TRRAP: variants seen among roughly 807,000 people sequenced by gnomAD.
The protein encoded by TRRAP is transformation/transcription domain-associated protein.
In TRRAP, 41 loss-of-function variants were observed where a neutral mutation model predicts 438.8. That is an observed-to-expected ratio of 0.09 (90% CI 0.07 to 0.12). TRRAP has a LOEUF of 0.12. Ranked by LOEUF, TRRAP falls within the 10% of genes least tolerant of loss-of-function variation. The pLI is 1.00. For synonymous variants in TRRAP, 1,994 were observed against 1,962.9 expected, an observed-to-expected ratio of 1.02 and a Z score of -0.42; for missense variants, 3,122 against 5,055.1, an observed-to-expected ratio of 0.62 and a Z score of 11.60.
intron 3 of TRRAP, among the ~76,000 whole-genome samples, chr7:98,884,556 G>A (rs1554403668): frequency 6.6e-6 from 1 of 152,162 alleles, no homozygotes; most frequent in East Asian, 1.9e-4. Context: ...TCTTAAAGCA[G>A]GTACATTGTG....
At chr7:98,967,451 C>T in intron 50 of TRRAP, 34 bp from the exon 51 acceptor site, 1 of 1,608,226 alleles carries the variant, frequency 6.2e-7, no homozygotes, top group East Asian at 2.2e-5. Context: ...TTGGGGAGTC[C>T]ATCGTCTTGC....
At position 98,915,747 on chromosome 7, in the gene TRRAP, A is replaced by G; in HGVS notation, c.2224A>G (p.Ser742Gly). 1 of 1,613,830 alleles carries G rather than the reference A, an allele frequency of 6.2e-7. No individual in the cohort carries two copies. Among genetic ancestry groups the G allele is most frequent in the Non-Finnish European group, 8.5e-7 (1 of 1,179,832 alleles). The change falls in exon 19 of 73, where the codon AGC (serine) becomes GGC (glycine). Residue 742 changes from serine to glycine, a missense_variant. Ser to Gly is a moderately conservative substitution (Grantham distance 56). Transcript: ENST00000456197. ...GCCTCACTTGCACAAGATTGTGAACAGCTCTATGGAGCTCGCGCAGACTGC... is the reference window on the plus strand; with the variant it reads ...GCCTCACTTGCACAAGATTGTGAACGGCTCTATGGAGCTCGCGCAGACTGC... ...LKPHLHKIVN[S>G]SMELAQTAKE...
chr7:98,896,669 C>T (rs1203968349), intron 7 of TRRAP, among the ~76,000 whole-genome samples: 1 of 152,108 alleles, frequency 6.6e-6, no homozygotes, highest in Non-Finnish European at 1.5e-5. Context: ...CAGGCGTGAG[C>T]CACTGCACCC....
At chr7:98,981,532 G>T (rs528100174) in intron 58 of TRRAP, among the ~76,000 whole-genome samples, 1 of 152,282 alleles carries the variant, frequency 6.6e-6, no homozygotes. Context: ...AGAAGCCTGT[G>T]GTATGCTTTC....
Position 98,967,067 on chromosome 7 carries a change from T to G in TRRAP, c.7203T>G (p.Ile2401Met). The G allele has an allele frequency of 6.2e-7, 1 of 1,613,936 alleles. No homozygotes were observed. The highest frequency in any genetic ancestry group is 8.5e-7 in the Non-Finnish European group (1 of 1,179,930). Residue 2401 changes from isoleucine (I) to methionine (M), a missense_variant, in exon 50 of 73, where the codon ATT becomes ATG. Around this residue, in one of 24 missense-constraint regions of TRRAP, gnomAD observed 992 missense variants for 1,281.2 expected, o/e 0.77. Transcript: ENST00000456197. ...CACCTACACTCCGGGAGAAGTCCAT[T>G]TTGCTTGTGAAGATGATGACTTACA... is the stretch of plus-strand genomic sequence containing the variant. ...NQTPTLREKSILLVKMMTYIE... is the reference protein window; with the variant it reads ...NQTPTLREKSMLLVKMMTYIE...
At chr7:98,980,548 T>C (rs1324195768) in intron 58 of TRRAP, among the ~76,000 whole-genome samples, 1 of 151,852 alleles carries the variant, frequency 6.6e-6, no homozygotes, top group Non-Finnish European at 1.5e-5. Context: ...TCCACCTGGC[T>C]GAGGAGCGGT....
rs1584386347 is a variant in TRRAP, at chr7:98,978,751, G to A, written c.8499-18G>A. On this transcript the variant is annotated intron_variant, in intron 57 of 72. Transcript: ENST00000456197. The stretch of plus-strand genomic sequence containing the variant: ...TGCTGGTGATTGAGCTTTTGCTCTG[G>A]GATCTGTGGTCTTCTAGATGCTCCA... The A allele has an allele frequency of 6.2e-7, 1 of 1,613,886 alleles. No individual in the cohort carries two copies. The highest frequency in any genetic ancestry group is 1.3e-5 in the African/African-American group (1 of 74,942).
At chr7:98,991,364 G>A (rs1793423619) in intron 64 of TRRAP, among the ~76,000 whole-genome samples, 1 of 152,222 alleles carries the variant, frequency 6.6e-6, no homozygotes, top group African/African-American at 2.4e-5. Context: ...CCATTCCTCT[G>A]GCTCCTTCCT....
At position 98,994,685 on chromosome 7, in the gene TRRAP, C is replaced by T. The variant is rs138274731; in HGVS notation, c.10146C>T (p.Leu3382=). 1 of 1,614,218 alleles carries T rather than the reference C, an allele frequency of 6.2e-7. No individual in the cohort carries two copies. Among genetic ancestry groups the T allele is most frequent in the Non-Finnish European group, 8.5e-7 (1 of 1,180,046 alleles). The change falls in exon 67 of 73, where the codon CTC becomes CTT. Residue 3382 remains leucine (L), a synonymous_variant. Transcript: ENST00000456197. The surrounding 1 kb of genome is among the most constrained non-coding windows in gnomAD (Gnocchi z 4.8). ...ATGCTAAAATCACCCCCCACACTCT[C>T]AATTTTGTGAAGAAGTTGGTGAGCA... ...VSDAKITPHT[L]NFVKKLVSTF...
At chr7:98,933,195 C>G (rs377575365) in intron 26 of TRRAP, 46 bp from the exon 27 acceptor site, 23 of 1,551,054 alleles carry the variant, frequency 1.5e-5, no homozygotes, top group Middle Eastern at 1.7e-4. Context: ...GTGTTTGTGT[C>G]TCAAGGGGCA....
intron 11 of TRRAP, among the ~76,000 whole-genome samples, chr7:98,901,301 G>A (rs1796455278): frequency 6.6e-6 from 1 of 152,148 alleles, no homozygotes; most frequent in South Asian, 2.1e-4. Flanking sequence ...CCTCTTACAC[G>A]GCCACCGTCC....
chr7:98,953,257 C>G lies in TRRAP; in HGVS notation c.5554C>G (p.His1852Asp). ...CACGCTGCTGGTGGAGCACGCCCCC[C>G]ACCACATCCATGACAACAACAAGAA... The part of the protein sequence containing the change: ...YATLLVEHAP[H>D]HIHDNNKNRN... Residue 1852 changes from histidine (H) to aspartate (D), a missense_variant, in exon 40 of 73, where the codon CAC becomes GAC. Coordinates refer to ENST00000456197, the MANE Select transcript of TRRAP (RefSeq NM_001375524.1). 6.2e-7 allele frequency: 1 copy of G among 1,613,816 alleles called. No individual in the cohort carries two copies. Among genetic ancestry groups the G allele is most frequent in the Non-Finnish European group, 8.5e-7 (1 of 1,180,006 alleles).
chr7:98,931,180 G>C (rs1006440245), intron 25 of TRRAP, among the ~76,000 whole-genome samples: 1 of 152,236 alleles, frequency 6.6e-6, no homozygotes, highest in Middle Eastern at 3.2e-3. Context: ...GGCATTGCCA[G>C]CTTATCTGGT....
At position 98,945,940 on chromosome 7, in the gene TRRAP, A is replaced by G; in HGVS notation, c.4538A>G (p.Glu1513Gly). 2 of 1,486,802 alleles carry G rather than the reference A, an allele frequency of 1.3e-6. No individual in the cohort carries two copies. The highest frequency in any genetic ancestry group is 1.8e-6 in the Non-Finnish European group (2 of 1,117,678). 92.1% of individuals were successfully genotyped at this position (1,486,802 alleles called of 1,614,324 possible). The change falls in exon 33 of 73, where the codon GAA becomes GGA. Residue 1513 changes from glutamate to glycine, a missense_variant. Physicochemically the swap from Glu to Gly is moderately conservative, Grantham distance 98 (BLOSUM62 -2). Coordinates refer to ENST00000456197, the MANE Select transcript of TRRAP (RefSeq NM_001375524.1). ...TTTGTTTTGGTTCAGCCTGCCATGG[A>G]AGGGGTAGAGGTGAGAACTTGAGCG... The part of the protein sequence containing the change: ...SPFCQFEPAM[E>G]GVEEMKICSA...
At position 98,971,879 on chromosome 7, in the gene TRRAP, T is replaced by G. The variant is rs764121457; in HGVS notation, c.7773T>G (p.Ile2591Met). 1 of 1,614,094 alleles carries G rather than the reference T, an allele frequency of 6.2e-7. No individual in the cohort carries two copies. Among genetic ancestry groups the G allele is most frequent in the African/African-American group, 1.3e-5 (1 of 74,924 alleles). Residue 2591 changes from isoleucine to methionine, a missense_variant, in exon 53 of 73, where the codon ATT becomes ATG. By Grantham distance (10) the Ile-to-Met change is conservative (BLOSUM62 1). Coordinates refer to ENST00000456197, the MANE Select transcript of TRRAP (RefSeq NM_001375524.1). ...PKTKELSEKDIGNQLHMLTNR... is the reference protein window; with the variant it reads ...PKTKELSEKDMGNQLHMLTNR... ...CCAAAGAACTTTCAGAAAAGGACAT[T>G]GGAAACCAGCTGCACATGCTAACCA...
chr7:98,917,749 A>T, intron 20 of TRRAP, 70 bp downstream of exon 20: 8 of 1,559,058 alleles, frequency 5.1e-6, no homozygotes, highest in Non-Finnish European at 7.0e-6. Flanking sequence ...GGTTCTCTGT[A>T]CTCAAGAGTG....
Position 98,976,453 on chromosome 7 carries a change from A to G in TRRAP, c.7960-30A>G, listed in dbSNP as rs376756984. On this transcript the variant is annotated intron_variant, in intron 54 of 72. Transcript: ENST00000456197. The surrounding 1 kb of genome is among the most constrained non-coding windows in gnomAD (Gnocchi z 4.6). Reference sequence around the variant, plus strand: ...GCAAGACTTGCCGATTTTTGAATGAAGGCCTAAATGACATGTGCTTTGGTT... The same window carrying G: ...GCAAGACTTGCCGATTTTTGAATGAGGGCCTAAATGACATGTGCTTTGGTT... The G allele has an allele frequency of 6.3e-7, 1 of 1,590,900 alleles. No homozygotes were observed. The highest frequency in any genetic ancestry group is 8.6e-7 in the Non-Finnish European group (1 of 1,169,482).
At chr7:98,901,287 T>C (rs1032431568) in intron 11 of TRRAP, among the ~76,000 whole-genome samples, 1 of 152,208 alleles carries the variant, frequency 6.6e-6, no homozygotes, top group African/African-American at 2.4e-5. Flanking sequence ...GAGAGTTCTC[T>C]CCTCCTCTTA....
At chr7:98,939,941 G>A (rs1339525686) in intron 30 of TRRAP, among the ~76,000 whole-genome samples, 1 of 152,172 alleles carries the variant, frequency 6.6e-6, no homozygotes, top group Non-Finnish European at 1.5e-5. Flanking sequence ...GAGTGCAGTG[G>A]TGTGATCTCG....
Sources: allele counts gnomAD v4.1 joint callset (sites outside exome capture counted in the v4.1 genomes callset), GRCh38; gene constraint gnomAD v4.1.1; regional missense constraint gnomAD v4.1.1; non-coding constraint Gnocchi (gnomAD v3.1); transcripts MANE v1.5; gene names NCBI Gene and HGNC (gene_info 2026-07-23, HGNC 2026-07-21).